Variants in NTRK3 observed in about 807,000 individuals in gnomAD.
The protein encoded by NTRK3 is neurotrophic receptor tyrosine kinase 3.
A neutral mutation model predicts 91.7 loss-of-function variants in NTRK3; 24 were observed. The ratio of observed to expected loss-of-function variants is 0.26; its 90% confidence interval spans 0.19 to 0.37. The LOEUF (loss-of-function observed/expected upper bound fraction) is 0.37, where lower values mean the gene tolerates loss of function less well. Among genes scored for constraint, NTRK3 ranks in the 10% least tolerant of loss-of-function variants. The pLI is 1.00. For synonymous variants in NTRK3, 483 were observed against 404.0 expected, an observed-to-expected ratio of 1.20 and a Z score of -2.34; for missense variants, 880 against 1,068.9, an observed-to-expected ratio of 0.82 and a Z score of 2.46.
intron 17 of NTRK3, chr15:87,927,523 G>C (rs1310042344): frequency 6.6e-6 from 1 of 152,156 alleles, no homozygotes; most frequent in African/African-American, 2.4e-5. Context: ...TGAGACAATT[G>C]GCTGCCATGA....
At chr15:87,892,905 T>C (rs1408604417) in intron 17 of NTRK3, among the ~76,000 whole-genome samples, 3 of 152,200 alleles carry the variant, frequency 2.0e-5, no homozygotes, top group Non-Finnish European at 4.4e-5. Context: ...ATGTGTTTAA[T>C]AGATGATGTA....
At chr15:87,892,824 G>A (rs1384456975) in intron 17 of NTRK3, among the ~76,000 whole-genome samples, 1 of 152,076 alleles carries the variant, frequency 6.6e-6, no homozygotes, top group Non-Finnish European at 1.5e-5. Flanking sequence ...AAATTCAGTG[G>A]GGTAACTGCA....
chr15:88,154,851 T>A (rs575597576), intron 5 of NTRK3, among the ~76,000 whole-genome samples: 1 of 152,240 alleles, frequency 6.6e-6, no homozygotes, highest in African/African-American at 2.4e-5. Context: ...GCTTTTACTG[T>A]AAGAGAAGGA....
intron 5 of NTRK3, among the ~76,000 whole-genome samples, chr15:88,149,488 G>C (rs1192938467): frequency 2.6e-5 from 4 of 152,158 alleles, no homozygotes; most frequent in African/African-American, 9.7e-5. Context: ...TGAGACCTCT[G>C]GTATGACAGC....
At chr15:88,024,143 GC>G (rs1192688157) in intron 14 of NTRK3, among the ~76,000 whole-genome samples, 3 of 152,218 alleles carry the variant, frequency 2.0e-5, no homozygotes, top group East Asian at 1.9e-4. Flanking sequence ...GAAAAAGCAA[GC>G]TTCATGGTTA....
chr15:88,150,947 C>T (rs2043317640), intron 5 of NTRK3, among the ~76,000 whole-genome samples: 2 of 152,062 alleles, frequency 1.3e-5, no homozygotes, highest in South Asian at 2.1e-4. Context: ...GGGGCCTCAC[C>T]TATATGCACC....
rs138601691 is a variant in NTRK3 at position 88,049,573 on chromosome 15, A to G, written c.1397-16528T>C. Among the ~76,000 whole-genome samples, 498 of 152,338 alleles carry G rather than the reference A, an allele frequency of 3.3e-3. 2 individuals are homozygous for G. The highest frequency in any genetic ancestry group is 0.011 in the African/African-American group (462 of 41,568). Reference sequence around the variant, plus strand: ...AAAATGATATATGTAAAAGGTCAGTATGTAGCAAGCCTTATCTGAATAATG... The same window carrying G: ...AAAATGATATATGTAAAAGGTCAGTGTGTAGCAAGCCTTATCTGAATAATG... On this transcript the variant is annotated intron_variant, in intron 13 of 18. Transcript: ENST00000394480.
At chr15:88,228,130 C>A (rs2050841587) in intron 3 of NTRK3, among the ~76,000 whole-genome samples, 1 of 152,128 alleles carries the variant, frequency 6.6e-6, no homozygotes, top group Admixed American at 6.5e-5. Flanking sequence ...CTTCTCATAT[C>A]CACTCCCTGC....
At chr15:87,979,519 A>C (rs2074016725) in intron 14 of NTRK3, 3 of 1,221,512 alleles carry the variant, frequency 2.5e-6, no homozygotes, top group South Asian at 2.5e-5. Context: ...GTAAAAACCA[A>C]AACCCCCAAA....
intron 13 of NTRK3, among the ~76,000 whole-genome samples, chr15:88,072,004 CTTTTTT>C (rs374364707): frequency 7.5e-6 from 1 of 132,650 alleles, no homozygotes; most frequent in African/African-American, 2.8e-5. Context: ...AATCAAACAT[CTTTTTT>C]TTTTTTTTTT....
exon 19 of NTRK3, chr15:87,865,103 A>G (rs1462178048): frequency 1.9e-5 from 4 of 213,366 alleles, no homozygotes; most frequent in Non-Finnish European, 3.8e-5. Flanking sequence ...GAGAGCCTGA[A>G]CTTGAGCAAA....
intron 14 of NTRK3, among the ~76,000 whole-genome samples, chr15:87,961,271 T>G (rs2072258030): frequency 6.6e-6 from 1 of 152,180 alleles, no homozygotes; most frequent in African/African-American, 2.4e-5. Flanking sequence ...GAATCCACCA[T>G]GTAAACCTGA....
intron 17 of NTRK3, among the ~76,000 whole-genome samples, chr15:87,888,630 A>T (rs1020620211): frequency 4.6e-5 from 7 of 152,140 alleles, no homozygotes; most frequent in Non-Finnish European, 1.0e-4. Context: ...GCTTTTACTA[A>T]TTTGCTTCAC....
At chr15:87,944,742 G>C (rs1236952232) in intron 14 of NTRK3, among the ~76,000 whole-genome samples, 1 of 152,202 alleles carries the variant, frequency 6.6e-6, no homozygotes, top group Admixed American at 6.5e-5. Context: ...GCGAGGGCAG[G>C]AGCCCCCGCT....
At chr15:88,094,500 A>G (rs1191352465) in intron 13 of NTRK3, among the ~76,000 whole-genome samples, 1 of 151,058 alleles carries the variant, frequency 6.6e-6, no homozygotes, top group Non-Finnish European at 1.5e-5. Context: ...AAAAAAAAAA[A>G]AAGAATAAAA....
chr15:88,084,664 G>A (rs976823849), intron 13 of NTRK3, among the ~76,000 whole-genome samples: 1 of 152,082 alleles, frequency 6.6e-6, no homozygotes, highest in East Asian at 1.9e-4. Context: ...CTCACCTTGT[G>A]AGTCTCCTCT....
intron 13 of NTRK3, among the ~76,000 whole-genome samples, chr15:88,088,611 TA>T (rs2048724421): frequency 6.6e-6 from 1 of 152,240 alleles, no homozygotes; most frequent in African/African-American, 2.4e-5. Context: ...CATTATCATA[TA>T]ATACATAGTC....
intron 10 of NTRK3, among the ~76,000 whole-genome samples, chr15:88,131,560 G>A (rs957476164): frequency 6.6e-6 from 1 of 152,210 alleles, no homozygotes; most frequent in African/African-American, 2.4e-5. Flanking sequence ...GAGGATGGAG[G>A]AAATGGAAGC....
intron 14 of NTRK3, among the ~76,000 whole-genome samples, chr15:88,031,473 G>A (rs1388981034): frequency 1.3e-5 from 2 of 152,176 alleles, no homozygotes; most frequent in African/African-American, 4.8e-5. Flanking sequence ...AGGAAATTTA[G>A]CCAGAAGTGA....
Sources: allele counts gnomAD v4.1 joint callset (sites outside exome capture counted in the v4.1 genomes callset), GRCh38; gene constraint gnomAD v4.1.1; transcripts MANE v1.5; gene names NCBI Gene and HGNC (gene_info 2026-07-23, HGNC 2026-07-21).